Variants in BNC2 observed in about 807,000 individuals in gnomAD.
BNC2 encodes the protein zinc finger protein basonuclin-2.
Under a neutral mutation model 76.3 loss-of-function variants are expected in BNC2, and 20 were observed. That is an observed-to-expected ratio of 0.26 (90% CI 0.18 to 0.38). BNC2 has a LOEUF of 0.38. BNC2 is among the 10% of genes least tolerant of loss of function. The pLI is 1.00. For synonymous variants in BNC2, 582 were observed against 514.8 expected (o/e 1.13, Z -1.77); for missense variants, 1,382 against 1,399.8 (o/e 0.99, Z 0.20).
At chr9:16,690,729 G>C (rs1055319625) in intron 3 of BNC2, among the ~76,000 whole-genome samples, 7 of 152,154 alleles carry the variant, frequency 4.6e-5, no homozygotes, top group Non-Finnish European at 7.3e-5. Flanking sequence ...ATCTCCTCTG[G>C]AGTCATCTCA....
rs146878452 is a variant in BNC2 at position 16,435,805 on chromosome 9, C to G, written c.2389G>C (p.Gly797Arg). 2.5e-5 allele frequency: 40 copies of G among 1,614,192 alleles called. No individual in the cohort carries two copies. In the African/African-American group the frequency reaches 5.1e-4, roughly 20 times the overall value. Residue 797 changes from glycine to arginine, a missense_variant, in exon 6 of 7, where the codon GGG (glycine) becomes CGG (arginine). Physicochemically the swap from Gly to Arg is moderately radical, Grantham distance 125. This residue lies in a region of BNC2 where 798 missense variants were observed against 775.5 expected (regional missense o/e 1.03). Transcript: ENST00000380672. ...YMSQYGLYNG[G>R]GASMAALHES... ...TGCAAGGCGGCCATGCTGGCACCCC[C>G]ACCATTGTACAGTCCATACTGGCTC...
intron 3 of BNC2, among the ~76,000 whole-genome samples, chr9:16,715,805 G>C (rs189872068): frequency 6.6e-4 from 101 of 152,098 alleles, no homozygotes; most frequent in African/African-American, 2.3e-3. Context: ...GGCCCTTTTA[G>C]ACAACTACTA....
chr9:16,811,224 A>G (rs1818042021), intron 1 of BNC2, among the ~76,000 whole-genome samples: 2 of 125,728 alleles, frequency 1.6e-5, no homozygotes, highest in African/African-American at 6.3e-5. Context: ...CTTCGTCTCA[A>G]AAGACCAAAA....
chr9:16,457,908 G>C (rs1455141467), intron 5 of BNC2, among the ~76,000 whole-genome samples: 1 of 152,092 alleles, frequency 6.6e-6, no homozygotes, highest in East Asian at 1.9e-4. Context: ...TAGTGTTTCA[G>C]ATCTGCATCC....
intron 3 of BNC2, among the ~76,000 whole-genome samples, chr9:16,600,345 A>C (rs1820212148): frequency 6.6e-6 from 1 of 152,210 alleles, no homozygotes; most frequent in Admixed American, 6.5e-5. Flanking sequence ...AATAAATGTG[A>C]GGCTATTATT....
At chr9:16,495,487 A>G (rs887228916) in intron 5 of BNC2, among the ~76,000 whole-genome samples, 2 of 152,164 alleles carry the variant, frequency 1.3e-5, no homozygotes, top group Admixed American at 6.5e-5. Context: ...GGTTGCCTGT[A>G]AACAGTGCTT....
chr9:16,441,271 T>C (rs1396954624), intron 5 of BNC2, among the ~76,000 whole-genome samples: 1 of 152,190 alleles, frequency 6.6e-6, no homozygotes, highest in Non-Finnish European at 1.5e-5. Context: ...GCCACTGCAC[T>C]CCAGCCTGAG....
intron 5 of BNC2, among the ~76,000 whole-genome samples, chr9:16,500,791 T>C (rs1927631): frequency 0.17 from 25,327 of 152,122 alleles, 2,240 homozygotes; most frequent in East Asian, 0.27. Context: ...GTTTTAAGAG[T>C]ACACTACTAC....
At chr9:16,769,600 A>T (rs1476760367) in intron 1 of BNC2, among the ~76,000 whole-genome samples, 1 of 152,178 alleles carries the variant, frequency 6.6e-6, no homozygotes, top group Non-Finnish European at 1.5e-5. Context: ...CGGACCTGGG[A>T]ATGAGACCAG....
At chr9:16,544,068 T>A (rs1323166776) in intron 5 of BNC2, among the ~76,000 whole-genome samples, 1 of 152,180 alleles carries the variant, frequency 6.6e-6, no homozygotes, top group Non-Finnish European at 1.5e-5. Flanking sequence ...GTGTTGATAA[T>A]CCAATCTTTA....
rs1260341155 is a variant in BNC2 at position 16,727,970 on chromosome 9, C to G, written c.157G>C (p.Glu53Gln). Residue 53 changes from glutamate (E) to glutamine (Q), a missense_variant, in exon 3 of 7, where the codon GAA becomes CAA. Transcript: ENST00000380672. ...ESEEAEVDVR[E>Q]RETQRDREPK... Reference sequence around the variant, plus strand: ...TCTCTGTCTCTCTGTGTCTCTCTTTCTCTCACATCCACTTCTGCCTCTTCT... The same window carrying G: ...TCTCTGTCTCTCTGTGTCTCTCTTTGTCTCACATCCACTTCTGCCTCTTCT... 1.2e-6 allele frequency: 2 copies of G among 1,613,890 alleles called. No homozygotes were observed. The highest frequency in any genetic ancestry group is 1.7e-6 in the Non-Finnish European group (2 of 1,180,036).
At chr9:16,673,189 T>C (rs1437146704) in intron 3 of BNC2, among the ~76,000 whole-genome samples, 4 of 152,186 alleles carry the variant, frequency 2.6e-5, no homozygotes, top group African/African-American at 7.2e-5. Flanking sequence ...TTCCTCTGCA[T>C]ATCAAAGGGA....
At chr9:16,483,694 T>G (rs1034098172) in intron 5 of BNC2, among the ~76,000 whole-genome samples, 6 of 152,122 alleles carry the variant, frequency 3.9e-5, no homozygotes, top group African/African-American at 1.4e-4. Context: ...TTCACACGCA[T>G]ATGTGGAGAT....
chr9:16,507,319 C>G (rs1209495250), intron 5 of BNC2, among the ~76,000 whole-genome samples: 1 of 129,324 alleles, frequency 7.7e-6, no homozygotes, highest in Non-Finnish European at 1.5e-5. Context: ...GTGTGGAGTG[C>G]AGTGGCTTGA....
chr9:16,826,120 C>CGA (rs1818448927), intron 1 of BNC2, among the ~76,000 whole-genome samples: 2 of 152,106 alleles, frequency 1.3e-5, no homozygotes, highest in South Asian at 2.1e-4. Context: ...GCAGCTGGAT[C>CGA]TTACTTACCA....
chr9:16,787,709 G>C (rs1375488702), intron 1 of BNC2, among the ~76,000 whole-genome samples: 1 of 152,142 alleles, frequency 6.6e-6, no homozygotes, highest in African/African-American at 2.4e-5. Context: ...GCAAAAGGTA[G>C]ATAATATTTT....
At chr9:16,464,207 ATAAT>A (rs1260889823) in intron 5 of BNC2, among the ~76,000 whole-genome samples, 4 of 152,078 alleles carry the variant, frequency 2.6e-5, no homozygotes, top group East Asian at 1.9e-4. Flanking sequence ...AAATAAATAA[ATAAT>A]TGTTAAAAAT....
At chr9:16,781,351 A>G (rs1162253000) in intron 1 of BNC2, among the ~76,000 whole-genome samples, 3 of 151,884 alleles carry the variant, frequency 2.0e-5, no homozygotes, top group African/African-American at 4.8e-5. Context: ...ATTATTATGT[A>G]TATTTTTTTA....
intron 1 of BNC2, among the ~76,000 whole-genome samples, chr9:16,840,208 G>A: frequency 6.6e-6 from 1 of 152,138 alleles, no homozygotes; most frequent in East Asian, 1.9e-4. Context: ...GAGCCTATCT[G>A]CAATGTTTAT....
Sources: gnomAD v4.1 joint callset for allele counts (sites outside exome capture counted in the v4.1 genomes callset) on GRCh38, gnomAD v4.1.1 for gene constraint, gnomAD v4.1.1 regional missense constraint, MANE v1.5 for transcripts, NCBI Gene and HGNC (gene_info 2026-07-23, HGNC 2026-07-21) for gene names.